YPEL2: variants seen among roughly 807,000 people sequenced by gnomAD.
YPEL2 encodes yippee like 2, also known as protein yippee-like 2.
A neutral mutation model predicts 19.1 loss-of-function variants in YPEL2; 2 were observed. The ratio of observed to expected loss-of-function variants is 0.10; its 90% CI spans 0.04 to 0.33. The LOEUF is 0.33. Ranked by LOEUF, YPEL2 falls within the 10% of genes least tolerant of loss-of-function variation. YPEL2 has a pLI of 1.00. For synonymous variants in YPEL2, 52 were observed against 50.0 expected, an observed-to-expected ratio of 1.04 and a Z score of -0.17; for missense variants, 66 against 140.7, an observed-to-expected ratio of 0.47 and a Z score of 2.68.
chr17:59,364,144 C>T (rs1387255540), intron 2 of YPEL2, among the ~76,000 whole-genome samples: 1 of 152,138 alleles, frequency 6.6e-6, no homozygotes, highest in Non-Finnish European at 1.5e-5. Context: ...TTCTCAATGT[C>T]CTGGAGTCAT....
rs1337058128 is a variant in YPEL2 at position 59,347,188 on chromosome 17, T to C, written c.-195-6027T>C. Among the ~76,000 whole-genome samples, 4 of 152,220 alleles carry C rather than the reference T, an allele frequency of 2.6e-5. No individual in the cohort carries two copies. In the East Asian group the frequency reaches 7.7e-4, roughly 29 times the overall value. ...GAGCCCTATGAAGTAGATATTATTG[T>C]CTCTATTTTTTGTGAGGAAAGTGAG... On this transcript the variant is annotated intron_variant, in intron 1 of 4. Coordinates refer to ENST00000312655, the MANE Select transcript of YPEL2 (RefSeq NM_001005404.4).
chr17:59,394,379 G>C (rs1238736218), intron 4 of YPEL2, among the ~76,000 whole-genome samples: 2 of 148,878 alleles, frequency 1.3e-5, no homozygotes, highest in Non-Finnish European at 3.0e-5. Context: ...CAGACGGGGC[G>C]GCGGGGCAGA....
At chr17:59,382,481 A>G (rs2047954606) in intron 2 of YPEL2, among the ~76,000 whole-genome samples, 1 of 152,238 alleles carries the variant, frequency 6.6e-6, no homozygotes, top group African/African-American at 2.4e-5. Context: ...ATTGGCCTTC[A>G]CACTTTTAAA....
At chr17:59,350,289 C>T (rs1312548052) in intron 1 of YPEL2, among the ~76,000 whole-genome samples, 2 of 152,054 alleles carry the variant, frequency 1.3e-5, no homozygotes, top group Admixed American at 6.6e-5. Context: ...AAGCTGGTCT[C>T]GAACTCTTGG....
rs142177855 is a variant in YPEL2, at chr17:59,333,904, A to G, written c.-196+2080A>G. ...CCCTGATCTAGTGGGAACTGGAGGC[A>G]GTGAACAATGAAAGGTATTAACTTG... On this transcript the variant is annotated intron_variant, in intron 1 of 4. Transcript: ENST00000312655. 5.0e-3 allele frequency among the ~76,000 whole-genome samples: 765 copies of G among 152,352 alleles called. 9 individuals are homozygous for G. Among genetic ancestry groups the G allele is most frequent in the African/African-American group, 0.017 (693 of 41,582 alleles).
At chr17:59,388,768 C>T (rs1280138909) in intron 3 of YPEL2, 3 of 218,312 alleles carry the variant, frequency 1.4e-5, no homozygotes, top group Admixed American at 5.2e-5. Context: ...CGGGCAGATG[C>T]ACAGTTTCCA....
At chr17:59,332,210 A>G (rs993422144) in intron 1 of YPEL2, among the ~76,000 whole-genome samples, 4 of 151,856 alleles carry the variant, frequency 2.6e-5, no homozygotes, top group African/African-American at 9.7e-5. Context: ...TTCGGACTCC[A>G]TGGGGTCCGG....
At chr17:59,385,505 G>T (rs866279669) in intron 2 of YPEL2, among the ~76,000 whole-genome samples, 1 of 152,178 alleles carries the variant, frequency 6.6e-6, no homozygotes, top group Non-Finnish European at 1.5e-5. Flanking sequence ...TTGAGCCCAG[G>T]AGATCAAGGC....
chr17:59,353,368 T>C lies in YPEL2; in HGVS notation c.-42T>C. ...GTGCGACCCATCCTGTGGGAGTGCC[T>C]CGTGGGCTGCCCCAGAGTTCACCCC... On this transcript the variant is annotated 5_prime_UTR_variant, in exon 2 of 5. Coordinates refer to ENST00000312655, the MANE Select transcript of YPEL2 (RefSeq NM_001005404.4). This position sits in a 1 kb window ranked among gnomAD's most constrained non-coding sequence, Gnocchi z 4.8. The C allele has an allele frequency of 6.8e-7, 1 of 1,460,512 alleles. No individual in the cohort carries two copies. The highest frequency in any genetic ancestry group is 9.4e-7 in the Non-Finnish European group (1 of 1,068,534). 90.5% of individuals were successfully genotyped at this position (1,460,512 alleles called of 1,614,324 possible). A position where few individuals can be genotyped will look rare whatever the true frequency, so the allele number is the denominator to read the frequency against.
intron 2 of YPEL2, among the ~76,000 whole-genome samples, chr17:59,356,573 C>T (rs1249350859): frequency 6.6e-6 from 1 of 152,192 alleles, no homozygotes; most frequent in Non-Finnish European, 1.5e-5. Context: ...ATCAATTGTC[C>T]AACTTCCAAG....
intron 1 of YPEL2, among the ~76,000 whole-genome samples, chr17:59,343,424 G>T (rs912289220): frequency 6.6e-6 from 1 of 152,076 alleles, no homozygotes; most frequent in African/African-American, 2.4e-5. Context: ...AGTCTTATGG[G>T]GATAGAGACT....
chr17:59,337,239 G>A (rs918505238), intron 1 of YPEL2, among the ~76,000 whole-genome samples: 3 of 149,546 alleles, frequency 2.0e-5, no homozygotes, highest in African/African-American at 7.5e-5. Flanking sequence ...CCAGGCGGGA[G>A]TGCAGTGGTG....
chr17:59,345,381 G>A (rs576532301), intron 1 of YPEL2: 2 of 152,284 alleles, frequency 1.3e-5, no homozygotes, highest in East Asian at 3.9e-4. Flanking sequence ...AGTCCCACCT[G>A]GTTCCAGTGC....
chr17:59,380,309 C>T (rs1272102238), intron 2 of YPEL2, among the ~76,000 whole-genome samples: 1 of 139,396 alleles, frequency 7.2e-6, no homozygotes, highest in Non-Finnish European at 1.5e-5. Flanking sequence ...TGGAGTCTCG[C>T]TGTGTCTCCC....
At chr17:59,377,686 A>G (rs2047929204) in intron 2 of YPEL2, among the ~76,000 whole-genome samples, 3 of 152,196 alleles carry the variant, frequency 2.0e-5, no homozygotes, top group Admixed American at 2.0e-4. Context: ...CTCCTGGTTC[A>G]GCAGAGAACA....
intron 2 of YPEL2, among the ~76,000 whole-genome samples, chr17:59,372,454 T>C (rs147110532): frequency 6.6e-6 from 1 of 152,334 alleles, no homozygotes; most frequent in East Asian, 1.9e-4. Context: ...CTTGCTGTCC[T>C]GGCTGGGCTC....
chr17:59,342,746 G>A (rs2047738099), intron 1 of YPEL2, among the ~76,000 whole-genome samples: 1 of 152,240 alleles, frequency 6.6e-6, no homozygotes, highest in African/African-American at 2.4e-5. Flanking sequence ...CATAGTCAAG[G>A]CAGGGTTGAG....
intron 1 of YPEL2, among the ~76,000 whole-genome samples, chr17:59,337,480 C>G (rs1386343671): frequency 6.6e-6 from 1 of 152,120 alleles, no homozygotes; most frequent in African/African-American, 2.4e-5. Context: ...TGAGCCACCG[C>G]GCCCGGCCGG....
At chr17:59,358,535 T>C (rs2047824567) in intron 2 of YPEL2, among the ~76,000 whole-genome samples, 1 of 151,932 alleles carries the variant, frequency 6.6e-6, no homozygotes, top group African/African-American at 2.4e-5. Flanking sequence ...TCCTGTCCAC[T>C]CTACCTGTCA....
Sources: allele counts gnomAD v4.1 joint callset (sites outside exome capture counted in the v4.1 genomes callset), GRCh38; gene constraint gnomAD v4.1.1; non-coding constraint Gnocchi (gnomAD v3.1); transcripts MANE v1.5; gene names NCBI Gene and HGNC (gene_info 2026-07-23, HGNC 2026-07-21).